Variants in CLDND2 observed in about 807,000 individuals in gnomAD.
CLDND2 encodes claudin domain containing 2, also known as claudin domain-containing protein 2.
CLDND2 carries 18 observed loss-of-function variants against 17.7 expected under a neutral mutation model. The observed-to-expected ratio is 1.02, with a 90% CI of 0.70 to 1.51. The LOEUF (loss-of-function observed/expected upper bound fraction) is 1.51, where lower values mean the gene tolerates loss of function less well. Ranked by LOEUF, CLDND2 falls within the 40% of genes most tolerant of loss-of-function variation. CLDND2 has a pLI of 0.00. For missense variants in CLDND2, 233 were observed against 219.6 expected (o/e 1.06, Z -0.39); for synonymous variants, 113 against 93.0 (o/e 1.22, Z -1.24).
chr19:51,367,091 C>G, downstream of CLDND2: 2 of 1,574,944 alleles, frequency 1.3e-6, no homozygotes, highest in Non-Finnish European at 1.7e-6. This position sits in a 1 kb window ranked among gnomAD's most constrained non-coding sequence, Gnocchi z 7.4. Context: ...GCACGCGGAG[C>G]CGCAGCGCTA....
In CLDND2 at chr19:51,367,111, G is replaced by T. The variant is rs904812810; in HGVS notation, c.*31C>A. On this transcript the variant is annotated 3_prime_UTR_variant, in exon 4 of 4. Transcript: ENST00000291715. The surrounding 1 kb of genome is among the most constrained non-coding windows in gnomAD (Gnocchi z 7.4). ...CGGAGCCGCAGCGCTAAAAAAAGCCGTTCCTTTATTCTGCCCCAGGCAGGC... is the reference window on the plus strand; with the variant it reads ...CGGAGCCGCAGCGCTAAAAAAAGCCTTTCCTTTATTCTGCCCCAGGCAGGC... The T allele has an allele frequency of 1.2e-6, 2 of 1,610,534 alleles. No individual in the cohort carries two copies. Among genetic ancestry groups the T allele is most frequent in the Non-Finnish European group, 1.7e-6 (2 of 1,176,736 alleles).
chr19:51,367,304 C>A lies in CLDND2; in HGVS notation c.431-89G>T. The A allele has an allele frequency of 6.9e-7, 1 of 1,454,286 alleles. No individual in the cohort carries two copies. Among genetic ancestry groups the A allele is most frequent in the Non-Finnish European group, 9.6e-7 (1 of 1,043,892 alleles). The allele number at this position is 1,454,286 out of a possible 1,614,324, so 90.1% of individuals were successfully genotyped here. A position where few individuals can be genotyped will look rare whatever the true frequency, so the allele number is the denominator to read the frequency against. Reference sequence around the variant, plus strand: ...GCCCCGGGGACTGGGGTTTGGGGCTCCAAGGGGGTCTCTGCCGGGTCTGCG... The same window carrying A: ...GCCCCGGGGACTGGGGTTTGGGGCTACAAGGGGGTCTCTGCCGGGTCTGCG... On this transcript the variant is annotated intron_variant, in intron 3 of 3. Transcript: ENST00000291715. This position sits in a 1 kb window ranked among gnomAD's most constrained non-coding sequence, Gnocchi z 7.4.
rs756905229 is a variant in CLDND2, at chr19:51,367,293, G to C, written c.431-78C>G. 6 of 1,505,992 alleles carry C rather than the reference G, an allele frequency of 4.0e-6. No individual in the cohort carries two copies. Among genetic ancestry groups the C allele is most frequent in the Non-Finnish European group, 5.5e-6 (6 of 1,086,876 alleles). The allele number at this position is 1,505,992 out of a possible 1,614,324, so 93.3% of individuals were successfully genotyped here. ...TGGCCGGGAGGGCCCCGGGGACTGG[G>C]GTTTGGGGCTCCAAGGGGGTCTCTG... On this transcript the variant is annotated intron_variant, in intron 3 of 3. Transcript: ENST00000291715. The surrounding 1 kb of genome is among the most constrained non-coding windows in gnomAD (Gnocchi z 7.4).
In CLDND2 at chr19:51,367,529, A is replaced by T. The variant is rs1234509795; in HGVS notation, c.358T>A (p.Trp120Arg). The change falls in exon 3 of 4, where the codon TGG becomes AGG. Residue 120 changes from tryptophan to arginine, a missense_variant. Physicochemically the swap from Trp to Arg is moderately radical, Grantham distance 101. Coordinates refer to ENST00000291715, the MANE Select transcript of CLDND2 (RefSeq NM_152353.3). The surrounding 1 kb of genome is among the most constrained non-coding windows in gnomAD (Gnocchi z 7.4). ...CAAGAGAAGAAGACGTTGTTCTTCC[A>T]CGCATTCTTCACGGTGTAGCCTATC... is the stretch of plus-strand genomic sequence containing the variant. ...ALIGYTVKNA[W>R]KNNVFFSWSY... is the part of the protein sequence containing the mutation. 5.0e-6 allele frequency: 8 copies of T among 1,611,754 alleles called. No homozygotes were observed. Among genetic ancestry groups the T allele is most frequent in the Middle Eastern group, 1.6e-4 (1 of 6,062 alleles).
downstream of CLDND2, among the ~76,000 whole-genome samples, chr19:51,366,796 T>A (rs1986399105): frequency 6.6e-6 from 1 of 151,786 alleles, no homozygotes; most frequent in Non-Finnish European, 1.5e-5. Context: ...CTCCACTCTC[T>A]CCATCCCCGT....
chr19:51,367,060 G>A, downstream of CLDND2: 1 of 1,346,146 alleles, frequency 7.4e-7, no homozygotes, highest in Non-Finnish European at 1.1e-6. This position sits in a 1 kb window ranked among gnomAD's most constrained non-coding sequence, Gnocchi z 7.4. Context: ...CCGTGCCTGC[G>A]TCCCCACGAC....
Position 51,367,667 on chromosome 19 carries a change from G to A in CLDND2, c.311-91C>T. 1 of 1,518,210 alleles carries A rather than the reference G, an allele frequency of 6.6e-7. No homozygotes were observed. Among genetic ancestry groups the A allele is most frequent in the Non-Finnish European group, 8.8e-7 (1 of 1,132,172 alleles). 94.0% of individuals were successfully genotyped at this position (1,518,210 alleles called of 1,614,324 possible). A position where few individuals can be genotyped will look rare whatever the true frequency, so the allele number is the denominator to read the frequency against. ...CCTTCAGACCCGCCCCCTTCTATCAGACCACGCCTATCGCCTCTCAGCCCG... is the reference window on the plus strand; with the variant it reads ...CCTTCAGACCCGCCCCCTTCTATCAAACCACGCCTATCGCCTCTCAGCCCG... On this transcript the variant is annotated intron_variant, in intron 2 of 3. Transcript: ENST00000291715. This position sits in a 1 kb window ranked among gnomAD's most constrained non-coding sequence, Gnocchi z 7.4.
At position 51,367,618 on chromosome 19, in the gene CLDND2, TG is replaced by T. The variant is rs748419972; in HGVS notation, c.311-43del. The T allele has an allele frequency of 6.9e-6, 11 of 1,591,380 alleles. No individual in the cohort carries two copies. The highest frequency in any genetic ancestry group is 8.6e-6 in the Non-Finnish European group (10 of 1,168,576). ...CGCAAGATGAGCTAGCTGGGCCTGG[TG>T]GGGGCTGCACCCAGGCCACGCCCCT... On this transcript the variant is annotated intron_variant, in intron 2 of 3. Transcript: ENST00000291715. This position sits in a 1 kb window ranked among gnomAD's most constrained non-coding sequence, Gnocchi z 7.4.
Position 51,367,964 on chromosome 19 carries a change from C to T in CLDND2, c.232G>A (p.Val78Met). The change falls in exon 2 of 4, where the codon GTG becomes ATG. Residue 78 changes from valine (V) to methionine (M), a missense_variant. Physicochemically the swap from Val to Met is conservative, Grantham distance 21. Transcript: ENST00000291715. The surrounding 1 kb of genome is among the most constrained non-coding windows in gnomAD (Gnocchi z 7.4). ...LAVGVGVVGM[V>M]MGLRIRCDEG... is the part of the protein sequence containing the mutation. ...TCGCACCGAATCCGCAGTCCCATCA[C>T]CATGCCCACCACGCCGACACCCACC... 6.2e-7 allele frequency: 1 copy of T among 1,612,594 alleles called. No individual in the cohort carries two copies.
chr19:51,368,235 CG>C (rs1409300575), intron 1 of CLDND2, 173 bp downstream of exon 1: 4 of 921,506 alleles, frequency 4.3e-6, no homozygotes, highest in Non-Finnish European at 6.4e-6. Context: ...GGGAGGGGGT[CG>C]GGGACAAGCC....
In CLDND2 at chr19:51,368,458, G is replaced by T. The variant is rs1183337530; in HGVS notation, c.120C>A (p.Gly40=). The T allele has an allele frequency of 6.2e-7, 1 of 1,613,968 alleles. No homozygotes were observed. Among genetic ancestry groups the T allele is most frequent in the Non-Finnish European group, 8.5e-7 (1 of 1,179,936 alleles). ...YWTRQQEGHS[G]LWQECNHGIC... Reference sequence around the variant, plus strand: ...TGCCGTGGTTGCATTCCTGCCACAGGCCACTGTGGCCCTCTTGTTGGCGGG... The same window carrying T: ...TGCCGTGGTTGCATTCCTGCCACAGTCCACTGTGGCCCTCTTGTTGGCGGG... Residue 40 remains glycine, a synonymous_variant, in exon 1 of 4, where the codon GGC becomes GGA. Coordinates refer to ENST00000291715, the MANE Select transcript of CLDND2 (RefSeq NM_152353.3).
At position 51,367,821 on chromosome 19, in the gene CLDND2, ACCAGGCCCCT is replaced by A; in HGVS notation, c.310+55_310+64del. 1 of 1,573,154 alleles carries A rather than the reference ACCAGGCCCCT, an allele frequency of 6.4e-7. No homozygotes were observed. The highest frequency in any genetic ancestry group is 8.6e-7 in the Non-Finnish European group (1 of 1,165,036). Reference sequence around the variant, plus strand: ...AGTACCTCAAGCCCCTCCCCTGGCGACCAGGCCCCTCCATCACCCAGGGCCCGCCCCTGCC... The same window carrying A: ...AGTACCTCAAGCCCCTCCCCTGGCGACCATCACCCAGGGCCCGCCCCTGCC... On this transcript the variant is annotated intron_variant, in intron 2 of 3. Transcript: ENST00000291715. The surrounding 1 kb of genome is among the most constrained non-coding windows in gnomAD (Gnocchi z 7.4).
chr19:51,368,723 C>A lies in CLDND2; in HGVS notation c.-146G>T. ...GTCCCTGCTTCTGGGGACCTGGAGACCCCCCTCCCTCAACAACCCTGCCTG... is the reference window on the plus strand; with the variant it reads ...GTCCCTGCTTCTGGGGACCTGGAGAACCCCCTCCCTCAACAACCCTGCCTG... On this transcript the variant is annotated 5_prime_UTR_variant, in exon 1 of 4. Transcript: ENST00000291715. 2 of 675,094 alleles carry A rather than the reference C, an allele frequency of 3.0e-6. No individual in the cohort carries two copies. The highest frequency in any genetic ancestry group is 3.9e-5 in the South Asian group (2 of 51,434). 41.8% of individuals were successfully genotyped at this position (675,094 alleles called of 1,614,324 possible).
rs560454877 is a variant in CLDND2, at chr19:51,368,878, C to T, written c.-301G>A. 64 of 320,642 alleles carry T rather than the reference C, an allele frequency of 2.0e-4. No individual in the cohort carries two copies. The highest frequency in any genetic ancestry group is 1.3e-3 in the African/African-American group (61 of 46,412). 19.9% of individuals were successfully genotyped at this position (320,642 alleles called of 1,614,324 possible). A position where few individuals can be genotyped will look rare whatever the true frequency, so the allele number is the denominator to read the frequency against. On this transcript the variant is annotated 5_prime_UTR_variant, in exon 1 of 4. Transcript: ENST00000291715. ...AACCTGTCTTCCCAGAGACCTCCCC[C>T]GACAGCCGAACGCCCTTTCAGCCCA...
rs765336897 is a variant in CLDND2, at chr19:51,368,549, C to T, written c.29G>A (p.Gly10Glu). MGVKRSLQS[G>E]GILLSLVANV... is the part of the protein sequence containing the mutation. The stretch of plus-strand genomic sequence containing the variant: ...GGCCACGAGGCTGAGCAGAATGCCC[C>T]CACTCTGGAGGCTCCGCTTCACCCC... The change falls in exon 1 of 4, where the codon GGG becomes GAG. Residue 10 changes from glycine to glutamate, a missense_variant. Transcript: ENST00000291715. 3.2e-5 allele frequency: 52 copies of T among 1,613,688 alleles called. No individual in the cohort carries two copies. Among genetic ancestry groups the T allele is most frequent in the Non-Finnish European group, 4.1e-5 (48 of 1,179,916 alleles).
intron 1 of CLDND2, 38 bp downstream of exon 1, chr19:51,368,371 T>C (rs375764313): frequency 6.1e-5 from 97 of 1,580,686 alleles, no homozygotes; most frequent in Non-Finnish European, 8.0e-5. Context: ...CCTGGGGGTC[T>C]GAAATGCCCT....
In CLDND2 at chr19:51,368,238, G is replaced by T. The variant is rs947915917; in HGVS notation, c.169+171C>A. On this transcript the variant is annotated intron_variant, in intron 1 of 3. Transcript: ENST00000291715. ...GCTACCAGGACGGGGAGGGGGTCGG[G>T]GACAAGCCCACAAGTCGAGGGGCGG... 4.2e-6 allele frequency: 4 copies of T among 944,710 alleles called. No homozygotes were observed. In the Admixed American group the frequency reaches 1.1e-4, roughly 25 times the overall value. The allele number at this position is 944,710 out of a possible 1,614,324, so 58.5% of individuals were successfully genotyped here.
chr19:51,367,291 G>A lies in CLDND2; in HGVS notation c.431-76C>T, dbSNP rs753548685. 1.3e-5 allele frequency: 20 copies of A among 1,511,546 alleles called. No homozygotes were observed. In the South Asian group the frequency reaches 1.9e-4, roughly 15 times the overall value. 93.6% of individuals were successfully genotyped at this position (1,511,546 alleles called of 1,614,324 possible). On this transcript the variant is annotated intron_variant, in intron 3 of 3. Coordinates refer to ENST00000291715, the MANE Select transcript of CLDND2 (RefSeq NM_152353.3). The surrounding 1 kb of genome is among the most constrained non-coding windows in gnomAD (Gnocchi z 7.4). ...GATGGCCGGGAGGGCCCCGGGGACT[G>A]GGGTTTGGGGCTCCAAGGGGGTCTC...
chr19:51,367,811 T>C lies in CLDND2; in HGVS notation c.310+75A>G. 1 of 1,554,360 alleles carries C rather than the reference T, an allele frequency of 6.4e-7. No individual in the cohort carries two copies. The highest frequency in any genetic ancestry group is 8.6e-7 in the Non-Finnish European group (1 of 1,156,100). ...ATCCTGGCCGAGTACCTCAAGCCCC[T>C]CCCCTGGCGACCAGGCCCCTCCATC... On this transcript the variant is annotated intron_variant, in intron 2 of 3. Transcript: ENST00000291715. The surrounding 1 kb of genome is among the most constrained non-coding windows in gnomAD (Gnocchi z 7.4).
Sources: gnomAD v4.1 joint callset for allele counts (sites outside exome capture counted in the v4.1 genomes callset) on GRCh38, gnomAD v4.1.1 for gene constraint, Gnocchi (gnomAD v3.1) non-coding constraint, MANE v1.5 for transcripts, NCBI Gene and HGNC (gene_info 2026-07-23, HGNC 2026-07-21) for gene names.